Variants in XYLT1 observed in about 807,000 individuals in gnomAD.
The protein encoded by XYLT1 is beta-D-xylosyltransferase 1.
XYLT1 carries 36 observed loss-of-function variants against 91.3 expected under a neutral mutation model. That is an observed-to-expected ratio of 0.39 (90% CI 0.30 to 0.52). XYLT1 has a LOEUF of 0.52. XYLT1 is among the 20% of genes least tolerant of loss of function. XYLT1 has a pLI of 0.68. For missense variants in XYLT1, 1,242 were observed against 1,284.5 expected (o/e 0.97, Z 0.51); for synonymous variants, 588 against 532.0 (o/e 1.11, Z -1.45).
chr16:17,233,415 A>T lies in XYLT1; in HGVS notation c.913+25573T>A, dbSNP rs1353315923. On this transcript the variant is annotated intron_variant, in intron 3 of 11. Transcript: ENST00000261381. Reference sequence around the variant, plus strand: ...CCTGGTTTCCCGCTGCAAGCTAGTGATGGAGACTTCTGACTGCGGAAGCGA... The same window carrying T: ...CCTGGTTTCCCGCTGCAAGCTAGTGTTGGAGACTTCTGACTGCGGAAGCGA... Among the ~76,000 whole-genome samples the T allele has an allele frequency of 2.0e-5, 3 of 152,238 alleles. No individual in the cohort carries two copies. In the East Asian group the frequency reaches 5.8e-4, roughly 29 times the overall value.
intron 1 of XYLT1, chr16:17,445,718 C>T (rs1461536188): frequency 6.6e-6 from 1 of 152,262 alleles, no homozygotes; most frequent in Non-Finnish European, 1.5e-5. Context: ...TGAATCCCGT[C>T]ACCAGCGGAG....
At chr16:17,419,143 G>A (rs183099484) in intron 1 of XYLT1, among the ~76,000 whole-genome samples, 186 of 151,942 alleles carry the variant, frequency 1.2e-3, no homozygotes, top group African/African-American at 4.4e-3. Context: ...TTGAAAGAGA[G>A]GGAGCCTGCT....
At chr16:17,156,447 A>G (rs2031410196) in intron 6 of XYLT1, among the ~76,000 whole-genome samples, 1 of 152,206 alleles carries the variant, frequency 6.6e-6, no homozygotes, top group Non-Finnish European at 1.5e-5. Flanking sequence ...AGGAATACCA[A>G]TGTCTGAGCC....
Position 17,364,125 on chromosome 16 carries a change from TG to T in XYLT1, c.364-6076del, listed in dbSNP as rs147407370. On this transcript the variant is annotated intron_variant, in intron 1 of 11. Transcript: ENST00000261381. ...AGGGTTTCAACATATGAAATTAGGGTGGGGGTACAATTCAGTCCATAACAAC... is the reference window on the plus strand; with the variant it reads ...AGGGTTTCAACATATGAAATTAGGGTGGGGTACAATTCAGTCCATAACAAC... Among the ~76,000 whole-genome samples the T allele has an allele frequency of 9.3e-3, 1,416 of 152,040 alleles. 19 individuals are homozygous for T. Among genetic ancestry groups the T allele is most frequent in the African/African-American group, 0.033 (1,355 of 41,456 alleles).
At chr16:17,140,658 CAAAAAAAAAAAAAAAAAAAAAA>C (rs71137974) in intron 7 of XYLT1, among the ~76,000 whole-genome samples, 2 of 68,004 alleles carry the variant, frequency 2.9e-5, no homozygotes, top group Non-Finnish European at 5.3e-5. Context: ...AAGACTGTCT[CAAAAAAAAAAAAAAAAAAAAAA>C]AAAAAAAAAA....
At chr16:17,169,858 C>T (rs1177395996) in intron 5 of XYLT1, among the ~76,000 whole-genome samples, 1 of 152,192 alleles carries the variant, frequency 6.6e-6, no homozygotes, top group Non-Finnish European at 1.5e-5. Flanking sequence ...ATTTGGTCTT[C>T]AGGGAACCAG....
intron 5 of XYLT1, among the ~76,000 whole-genome samples, chr16:17,162,138 T>G (rs528071141): frequency 6.6e-5 from 10 of 152,208 alleles, no homozygotes; most frequent in South Asian, 2.1e-4. Context: ...CTGGGTGTGG[T>G]AGCTCATGCC....
chr16:17,356,694 C>G (rs114250606), intron 2 of XYLT1, among the ~76,000 whole-genome samples: 3,765 of 152,234 alleles, frequency 0.025, 153 homozygotes, highest in African/African-American at 0.083. Flanking sequence ...AGCCTTGAAA[C>G]GTTCGAACAG....
intron 5 of XYLT1, chr16:17,193,596 C>G (rs1041686360): frequency 6.6e-6 from 1 of 152,276 alleles, no homozygotes; most frequent in East Asian, 1.9e-4. Context: ...GTGGCTACGT[C>G]GGGCTGGCTG....
At chr16:17,153,940 A>G (rs1306948912) in intron 6 of XYLT1, among the ~76,000 whole-genome samples, 1 of 152,208 alleles carries the variant, frequency 6.6e-6, no homozygotes, top group African/African-American at 2.4e-5. Flanking sequence ...TAATAAAAGA[A>G]CACAGGCCTT....
intron 1 of XYLT1, among the ~76,000 whole-genome samples, chr16:17,411,673 C>T (rs1208386808): frequency 1.3e-5 from 2 of 152,158 alleles, no homozygotes; most frequent in Admixed American, 6.5e-5. Context: ...TTTTCTGGGA[C>T]CTCTGATCTC....
intron 5 of XYLT1, among the ~76,000 whole-genome samples, chr16:17,191,950 C>T (rs745512197): frequency 5.3e-5 from 8 of 152,154 alleles, no homozygotes; most frequent in African/African-American, 9.7e-5. Flanking sequence ...CATGTGCAAA[C>T]GTGTGTACAC....
At chr16:17,137,799 G>GTGCAATTCA (rs1364492157) in intron 8 of XYLT1, among the ~76,000 whole-genome samples, 2 of 152,170 alleles carry the variant, frequency 1.3e-5, no homozygotes, top group Non-Finnish European at 2.9e-5. Context: ...CCTCAGAAAA[G>GTGCAATTCA]TGCAATTCAT....
At chr16:17,460,674 T>C (rs2036808192) in intron 1 of XYLT1, among the ~76,000 whole-genome samples, 1 of 152,170 alleles carries the variant, frequency 6.6e-6, no homozygotes, top group Admixed American at 6.5e-5. Flanking sequence ...AGTATCACCA[T>C]TCCTCAGCTT....
At chr16:17,210,446 G>A (rs2032735932) in intron 3 of XYLT1, among the ~76,000 whole-genome samples, 1 of 152,018 alleles carries the variant, frequency 6.6e-6, no homozygotes, top group Non-Finnish European at 1.5e-5. Flanking sequence ...GCATGGTGGT[G>A]CACGCCTATA....
chr16:17,410,029 C>T (rs988413045), intron 1 of XYLT1, among the ~76,000 whole-genome samples: 12 of 152,256 alleles, frequency 7.9e-5, no homozygotes, highest in South Asian at 4.1e-4. Flanking sequence ...CCCAACCACA[C>T]GGACACTGAC....
intron 2 of XYLT1, among the ~76,000 whole-genome samples, chr16:17,356,128 C>T (rs933552135): frequency 2.0e-5 from 3 of 152,086 alleles, no homozygotes; most frequent in African/African-American, 7.2e-5. Context: ...CCAGATGAGA[C>T]CACCACCAAA....
rs903460584 is a variant in XYLT1 at position 17,141,038 on chromosome 16, T to C, written c.1587+115A>G. On this transcript the variant is annotated intron_variant, in intron 7 of 11. Coordinates refer to ENST00000261381, the MANE Select transcript of XYLT1 (RefSeq NM_022166.4). Reference sequence around the variant, plus strand: ...AAGACAGCAAGGATGTCTGGGTGTGTAGAGGACAATGTAGGTGGACCCAGA... The same window carrying C: ...AAGACAGCAAGGATGTCTGGGTGTGCAGAGGACAATGTAGGTGGACCCAGA... The C allele has an allele frequency of 2.2e-5, 22 of 989,428 alleles. No individual in the cohort carries two copies. The Admixed American group carries it at 3.9e-4, about 18-fold the overall frequency. 61.3% of individuals were successfully genotyped at this position (989,428 alleles called of 1,614,324 possible).
chr16:17,363,075 G>T (rs144736737), intron 1 of XYLT1, among the ~76,000 whole-genome samples: 107 of 152,234 alleles, frequency 7.0e-4, no homozygotes, highest in African/African-American at 2.4e-3. Context: ...AGATAACTTG[G>T]AAAATCTAAG....
Sources: gnomAD v4.1 joint callset for allele counts (sites outside exome capture counted in the v4.1 genomes callset) on GRCh38, gnomAD v4.1.1 for gene constraint, MANE v1.5 for transcripts, NCBI Gene and HGNC (gene_info 2026-07-23, HGNC 2026-07-21) for gene names.